The following SDK1 variants were observed in gnomAD, a reference collection of about 807,000 sequenced individuals.
The protein encoded by SDK1 is protein sidekick-1.
In SDK1, 157 loss-of-function variants were observed where a neutral mutation model predicts 245.5. The ratio of observed to expected loss-of-function variants is 0.64; its 90% CI spans 0.56 to 0.73. The LOEUF is 0.73. SDK1 is among the 30% of genes least tolerant of loss of function. SDK1 has a pLI of 0.00. For synonymous variants in SDK1, 1,647 were observed against 1,278.5 expected (o/e 1.29, Z -6.15); for missense variants, 3,583 against 3,002.3 (o/e 1.19, Z -4.52).
intron 22 of SDK1, among the ~76,000 whole-genome samples, chr7:4,082,873 G>C (rs189842552): frequency 1.1e-3 from 171 of 152,090 alleles, no homozygotes; most frequent in Middle Eastern, 0.01. Context: ...TGTCAGCCTC[G>C]GCCTCCCAAA....
intron 17 of SDK1, among the ~76,000 whole-genome samples, chr7:4,028,606 C>A (rs1479171567): frequency 6.6e-6 from 1 of 152,208 alleles, no homozygotes; most frequent in Non-Finnish European, 1.5e-5. Flanking sequence ...CCAGTGAAAA[C>A]ACACGTTTGG....
intron 42 of SDK1, among the ~76,000 whole-genome samples, chr7:4,238,425 A>G (rs918506895): frequency 1.3e-5 from 2 of 152,030 alleles, no homozygotes; most frequent in Admixed American, 1.3e-4. Flanking sequence ...GTGTCTGGGA[A>G]TGGTGGCTTA....
Position 4,265,141 on chromosome 7 carries a change from C to G in SDK1, c.6399C>G (p.Tyr2133Ter). The G allele has an allele frequency of 6.2e-7, 1 of 1,612,044 alleles. No homozygotes were observed. Among genetic ancestry groups the G allele is most frequent in the Non-Finnish European group, 8.5e-7 (1 of 1,179,582 alleles). Residue 2133 changes from tyrosine to a stop codon, truncating the protein, a stop_gained, in exon 45 of 45, where the codon TAC becomes TAG. Coordinates refer to ENST00000404826, the MANE Select transcript of SDK1 (RefSeq NM_152744.4). LOFTEE classifies it high-confidence loss of function. ...CCCCGCAGGCCACGGACTCTGACTACGAGGACGCGCTGCCCAAGCACTCCT... is the reference window on the plus strand; with the variant it reads ...CCCCGCAGGCCACGGACTCTGACTAGGAGGACGCGCTGCCCAAGCACTCCT... ...ASESEATDSD[Y>*]EDALPKHSFV...
chr7:3,706,187 T>A (rs1784883971), intron 4 of SDK1, among the ~76,000 whole-genome samples: 1 of 152,206 alleles, frequency 6.6e-6, no homozygotes, highest in African/African-American at 2.4e-5. Context: ...TGAGGATTTT[T>A]GCATCTATAT....
chr7:3,927,976 A>T (rs1276718392), intron 5 of SDK1, among the ~76,000 whole-genome samples: 2 of 152,190 alleles, frequency 1.3e-5, no homozygotes, highest in African/African-American at 4.8e-5. Flanking sequence ...CAGTAGAGGA[A>T]TGTTTAGTGA....
chr7:3,437,395 C>A (rs1343288484), intron 1 of SDK1, among the ~76,000 whole-genome samples: 2 of 152,056 alleles, frequency 1.3e-5, no homozygotes, highest in Non-Finnish European at 2.9e-5. Flanking sequence ...TAATGTTTTG[C>A]AGTGTGTAGA....
rs10247335 is a variant in SDK1 at position 3,540,148 on chromosome 7, G to A, written c.299-78932G>A. On this transcript the variant is annotated intron_variant, in intron 1 of 44. Coordinates refer to ENST00000404826, the MANE Select transcript of SDK1 (RefSeq NM_152744.4). Reference sequence around the variant, plus strand: ...GAGGCCGGGTGTGGTGGCTGACGCCGGTAATCCTAGCACTTTGGAAGACCA... The same window carrying A: ...GAGGCCGGGTGTGGTGGCTGACGCCAGTAATCCTAGCACTTTGGAAGACCA... Among the ~76,000 whole-genome samples, 323 of 152,242 alleles carry A rather than the reference G, an allele frequency of 2.1e-3. 3 individuals carry two copies. The highest frequency in any genetic ancestry group is 7.4e-3 in the African/African-American group (306 of 41,550).
chr7:3,434,283 A>G (rs574600852), intron 1 of SDK1, among the ~76,000 whole-genome samples: 1 of 152,194 alleles, frequency 6.6e-6, no homozygotes, highest in African/African-American at 2.4e-5. Flanking sequence ...GAATATGTCA[A>G]CATGATTTTT....
intron 1 of SDK1, among the ~76,000 whole-genome samples, chr7:3,427,438 G>C (rs1242392597): frequency 6.6e-6 from 1 of 150,588 alleles, no homozygotes; most frequent in Non-Finnish European, 1.5e-5. Flanking sequence ...AGAATCACTT[G>C]AACCTGGGAG....
intron 1 of SDK1, among the ~76,000 whole-genome samples, chr7:3,418,351 C>T (rs142757112): frequency 6.6e-6 from 1 of 152,058 alleles, no homozygotes; most frequent in Non-Finnish European, 1.5e-5. Flanking sequence ...TATACTATGA[C>T]TCTTTTCTCA....
chr7:4,085,133 ATCT>A (rs1372420657), intron 22 of SDK1, among the ~76,000 whole-genome samples: 1 of 152,124 alleles, frequency 6.6e-6, no homozygotes, highest in Admixed American at 6.6e-5. Context: ...TAACTCGATT[ATCT>A]TCTTTATCCT....
intron 1 of SDK1, among the ~76,000 whole-genome samples, chr7:3,424,138 G>A (rs914163202): frequency 5.3e-5 from 8 of 152,008 alleles, no homozygotes; most frequent in Admixed American, 6.6e-5. Context: ...TCTCAAACTC[G>A]TGACCTCAGG....
chr7:4,113,737 T>G (rs1783502699), intron 24 of SDK1, among the ~76,000 whole-genome samples: 1 of 152,208 alleles, frequency 6.6e-6, no homozygotes, highest in African/African-American at 2.4e-5. Context: ...TAGGTCAACA[T>G]GGAACCAATA....
At chr7:4,101,924 C>T (rs1489304891) in intron 22 of SDK1, among the ~76,000 whole-genome samples, 1 of 152,046 alleles carries the variant, frequency 6.6e-6, no homozygotes, top group African/African-American at 2.4e-5. Flanking sequence ...AGCCAGCACC[C>T]CAGGAACCCA....
intron 1 of SDK1, among the ~76,000 whole-genome samples, chr7:3,474,520 C>T (rs941734550): frequency 1.3e-5 from 2 of 152,058 alleles, no homozygotes; most frequent in African/African-American, 4.8e-5. Flanking sequence ...TTCTTTAATT[C>T]CTTTAACAGT....
intron 22 of SDK1, among the ~76,000 whole-genome samples, chr7:4,102,284 A>C (rs554515063): frequency 3.3e-5 from 5 of 152,158 alleles, no homozygotes; most frequent in African/African-American, 1.2e-4. Context: ...ACCTCCTCTC[A>C]GGAGGTTTCA....
chr7:3,653,577 A>G (rs557948694), intron 4 of SDK1, among the ~76,000 whole-genome samples: 6 of 152,248 alleles, frequency 3.9e-5, no homozygotes, highest in Admixed American at 6.5e-5. Flanking sequence ...TTCCAGGGCT[A>G]CAGTCCTCAG....
intron 40 of SDK1, among the ~76,000 whole-genome samples, chr7:4,227,885 G>C (rs757711826): frequency 9.2e-5 from 14 of 152,196 alleles, no homozygotes; most frequent in Non-Finnish European, 1.8e-4. Flanking sequence ...CCGCTTGGGC[G>C]GGGGGAGATG....
chr7:3,968,328 C>A (rs1260495541), intron 10 of SDK1, among the ~76,000 whole-genome samples: 1 of 152,228 alleles, frequency 6.6e-6, no homozygotes, highest in Admixed American at 6.5e-5. Flanking sequence ...AGAGTCCATC[C>A]TGAACAAGTC....
Sources: allele counts gnomAD v4.1 joint callset (sites outside exome capture counted in the v4.1 genomes callset), GRCh38; gene constraint gnomAD v4.1.1; transcripts MANE v1.5; gene names NCBI Gene and HGNC (gene_info 2026-07-23, HGNC 2026-07-21).